IFFO2: variants seen among roughly 807,000 people sequenced by gnomAD.
IFFO2 encodes the protein intermediate filament family orphan 2.
IFFO2 carries 19 observed loss-of-function variants against 53.5 expected under a neutral mutation model. That is an observed-to-expected ratio of 0.36 (90% confidence interval 0.25 to 0.52). The LOEUF is 0.52. Among genes scored for constraint, IFFO2 ranks in the 20% least tolerant of loss-of-function variants. The pLI is 0.94. For synonymous variants in IFFO2, 303 were observed against 313.6 expected, an observed-to-expected ratio of 0.97 and a Z score of 0.36; for missense variants, 570 against 727.4, an observed-to-expected ratio of 0.78 and a Z score of 2.49.
chr1:18,956,277 C>A lies in IFFO2; in HGVS notation c.56G>T (p.Gly19Val). ...GCCAGGGCAGCCCCCGCCGCCGCCGCCCGGCGGGCAGCCGAAGGCCAAGGC... is the reference window on the plus strand; with the variant it reads ...GCCAGGGCAGCCCCCGCCGCCGCCGACCGGCGGGCAGCCGAAGGCCAAGGC... The part of the protein sequence containing the change: ...EMALAFGCPP[G>V]GGGGGCPGGG... Residue 19 changes from glycine to valine, a missense_variant, in exon 1 of 9, where the codon GGC (glycine) becomes GTC (valine). By Grantham distance (109) the Gly-to-Val change is moderately radical. Transcript: ENST00000455833. This position sits in a 1 kb window ranked among gnomAD's most constrained non-coding sequence, Gnocchi z 6.4. The A allele has an allele frequency of 1.2e-6, 1 of 807,132 alleles. No homozygotes were observed. Among genetic ancestry groups the A allele is most frequent in the Non-Finnish European group, 1.6e-6 (1 of 644,780 alleles). 50.0% of individuals were successfully genotyped at this position (807,132 alleles called of 1,614,324 possible). A position where few individuals can be genotyped will look rare whatever the true frequency, so the allele number is the denominator to read the frequency against.
intron 5 of IFFO2, among the ~76,000 whole-genome samples, chr1:18,915,887 G>A (rs1421410307): frequency 1.3e-5 from 2 of 152,168 alleles, no homozygotes; most frequent in African/African-American, 4.8e-5. Context: ...CACTTTGGGA[G>A]GCAGAGGTAG....
intron 1 of IFFO2, among the ~76,000 whole-genome samples, chr1:18,933,163 G>C (rs1936401262): frequency 6.6e-6 from 1 of 152,220 alleles, no homozygotes; most frequent in Non-Finnish European, 1.5e-5. Context: ...CGCTGGGGCA[G>C]GACCTCTGGC....
rs529516506 is a variant in IFFO2, at chr1:18,947,245, G to C, written c.665+8423C>G. On this transcript the variant is annotated intron_variant, in intron 1 of 8. Coordinates refer to ENST00000455833, the MANE Select transcript of IFFO2 (RefSeq NM_001136265.2). This position sits in a 1 kb window ranked among gnomAD's most constrained non-coding sequence, Gnocchi z 5.0. ...AAAAGCTAGGGATACTCCAGCCCAG[G>C]GCGGAGGCGAGCTCCCAAACAGCCA... Among the ~76,000 whole-genome samples, 25 of 152,316 alleles carry C rather than the reference G, an allele frequency of 1.6e-4. No individual in the cohort carries two copies. The South Asian group carries it at 3.5e-3, about 21-fold the overall frequency.
At chr1:18,950,438 C>T (rs1936645493) in intron 1 of IFFO2, among the ~76,000 whole-genome samples, 1 of 152,196 alleles carries the variant, frequency 6.6e-6, no homozygotes, top group Admixed American at 6.5e-5. Flanking sequence ...TGTTCCTTCT[C>T]AATCCCTGGG....
intron 5 of IFFO2, 120 bp from the exon 6 acceptor site, chr1:18,912,203 G>C: frequency 8.1e-7 from 1 of 1,231,036 alleles, no homozygotes; most frequent in Non-Finnish European, 1.1e-6. Flanking sequence ...CCTCAGGAAA[G>C]ACAGGGGTAG....
At chr1:18,911,516 T>G in intron 6 of IFFO2, 40 bp from the exon 7 acceptor site, 1 of 557,484 alleles carries the variant, frequency 1.8e-6, no homozygotes, top group Non-Finnish European at 2.5e-6. Context: ...ATTTTATTTA[T>G]TTATTTATTT....
rs368834612 is a variant in IFFO2 at position 18,940,204 on chromosome 1, A to C, written c.665+15464T>G. On this transcript the variant is annotated intron_variant, in intron 1 of 8. Transcript: ENST00000455833. ...TCCCGAAAAGCCAAGAACCCATGAA[A>C]ACAGCAGAGGAGGAAGAGCTAGGTA... Among the ~76,000 whole-genome samples the C allele has an allele frequency of 9.8e-4, 149 of 152,316 alleles. No homozygotes were observed. In the Middle Eastern group the frequency reaches 0.014, roughly 14 times the overall value.
chr1:18,919,295 C>T lies in IFFO2; in HGVS notation c.822+383G>A, dbSNP rs760136141. Among the ~76,000 whole-genome samples the T allele has an allele frequency of 5.9e-5, 9 of 152,202 alleles. No homozygotes were observed. The highest frequency in any genetic ancestry group is 1.9e-4 in the East Asian group (1 of 5,188). On this transcript the variant is annotated intron_variant, in intron 3 of 8. Coordinates refer to ENST00000455833, the MANE Select transcript of IFFO2 (RefSeq NM_001136265.2). This position sits in a 1 kb window ranked among gnomAD's most constrained non-coding sequence, Gnocchi z 4.9. ...GCTGGGCCTGCGAGTCTCTCAGGCC[C>T]GCACAGACCAGACGGCACCTGGCCC... is the stretch of plus-strand genomic sequence containing the variant.
intron 7 of IFFO2, 28 bp downstream of exon 7, chr1:18,911,356 G>A (rs372205697): frequency 2.5e-4 from 321 of 1,260,280 alleles, no homozygotes; most frequent in Middle Eastern, 3.7e-4. Flanking sequence ...AGAGCCTCAC[G>A]AGTGGGCTCC....
intron 1 of IFFO2, among the ~76,000 whole-genome samples, chr1:18,949,365 T>C (rs1936629913): frequency 6.6e-6 from 1 of 152,098 alleles, no homozygotes; most frequent in Admixed American, 6.5e-5. Flanking sequence ...ACTCCGGGTG[T>C]GGGGGGCTGT....
rs1935941858 is a variant in IFFO2, at chr1:18,905,969, T to C, written c.*2592A>G. On this transcript the variant is annotated 3_prime_UTR_variant, in exon 9 of 9. Coordinates refer to ENST00000455833, the MANE Select transcript of IFFO2 (RefSeq NM_001136265.2). ...AGGACTGGTGCTGCCCCAGCGAGCG[T>C]TGGGGTCTTTCTTGGCAAGCTGTGG... 6.6e-6 allele frequency: 1 copy of C among 152,178 alleles called. No individual in the cohort carries two copies. Among genetic ancestry groups the C allele is most frequent in the South Asian group, 2.1e-4 (1 of 4,826 alleles). The allele number at this position is 152,178 out of a possible 1,614,324, so 9.4% of individuals were successfully genotyped here. A position where few individuals can be genotyped will look rare whatever the true frequency, so the allele number is the denominator to read the frequency against.
intron 1 of IFFO2, among the ~76,000 whole-genome samples, chr1:18,952,645 C>CGG (rs1936672935): frequency 6.6e-6 from 1 of 152,096 alleles, no homozygotes; most frequent in African/African-American, 2.4e-5. Context: ...ATGAAATGTC[C>CGG]GGAAAAGGCT....
intron 1 of IFFO2, among the ~76,000 whole-genome samples, chr1:18,943,762 G>A (rs1026252947): frequency 6.6e-6 from 1 of 152,248 alleles, no homozygotes; most frequent in Non-Finnish European, 1.5e-5. Flanking sequence ...GGCTGGAGAA[G>A]TGCCTTTTGC....
chr1:18,906,234 G>C lies in IFFO2; in HGVS notation c.*2327C>G, dbSNP rs2100633681. On this transcript the variant is annotated 3_prime_UTR_variant, in exon 9 of 9. Coordinates refer to ENST00000455833, the MANE Select transcript of IFFO2 (RefSeq NM_001136265.2). ...CCAGGATCTCTTTCTGGCTCCTGCA[G>C]TTTTCAAACTCCCTAGAGTACCCTA... 1 of 152,310 alleles carries C rather than the reference G, an allele frequency of 6.6e-6. No individual in the cohort carries two copies. Among genetic ancestry groups the C allele is most frequent in the Non-Finnish European group, 1.5e-5 (1 of 68,036 alleles). The allele number at this position is 152,310 out of a possible 1,614,324, so 9.4% of individuals were successfully genotyped here. A position where few individuals can be genotyped will look rare whatever the true frequency, so the allele number is the denominator to read the frequency against.
chr1:18,934,057 C>CTTTTTTTTTTTTATTTTTTTTTTT (rs1936413986), intron 1 of IFFO2, among the ~76,000 whole-genome samples: 1 of 70,330 alleles, frequency 1.4e-5, no homozygotes, highest in African/African-American at 6.9e-5. Context: ...TCTCTTATTT[C>CTTTTTTTTTTTTATTTTTTTTTTT]TTTTTTTTTT....
At position 18,904,700 on chromosome 1, in the gene IFFO2, G is replaced by A. The variant is rs1280176884; in HGVS notation, c.*3861C>T. On this transcript the variant is annotated 3_prime_UTR_variant, in exon 9 of 9. Transcript: ENST00000455833. The stretch of plus-strand genomic sequence containing the variant: ...ATCTGGCTTTACCTGCACCCACCCA[G>A]TCCCCTCCAGACTCCCCACTCCAGG... 1 of 152,000 alleles carries A rather than the reference G, an allele frequency of 6.6e-6. No individual in the cohort carries two copies. The highest frequency in any genetic ancestry group is 1.5e-5 in the Non-Finnish European group (1 of 68,038). The allele number at this position is 152,000 out of a possible 1,614,324, so 9.4% of individuals were successfully genotyped here.
In IFFO2 at chr1:18,911,130, T is replaced by C. The variant is rs549744607; in HGVS notation, c.1317+254A>G. Among the ~76,000 whole-genome samples the C allele has an allele frequency of 1.5e-4, 22 of 147,804 alleles. No individual in the cohort carries two copies. The South Asian group carries it at 4.4e-3, about 30-fold the overall frequency. On this transcript the variant is annotated intron_variant, in intron 7 of 8. Coordinates refer to ENST00000455833, the MANE Select transcript of IFFO2 (RefSeq NM_001136265.2). The stretch of plus-strand genomic sequence containing the variant: ...TCGAATGTCAGCTCTGTGGTTATTA[T>C]GGGATCATCTCAGCTACATATATTC...
At chr1:18,937,622 C>T (rs1557647005) in intron 1 of IFFO2, among the ~76,000 whole-genome samples, 1 of 152,216 alleles carries the variant, frequency 6.6e-6, no homozygotes, top group Non-Finnish European at 1.5e-5. Flanking sequence ...CAAAGCCCCT[C>T]GGAGGGCATC....
intron 1 of IFFO2, among the ~76,000 whole-genome samples, chr1:18,946,138 C>T (rs1162172084): frequency 2.6e-5 from 4 of 152,158 alleles, no homozygotes; most frequent in East Asian, 1.9e-4. Context: ...GAAAAGAAAC[C>T]GCAGTGTGGG....
Sources: allele counts gnomAD v4.1 joint callset (sites outside exome capture counted in the v4.1 genomes callset), GRCh38; gene constraint gnomAD v4.1.1; non-coding constraint Gnocchi (gnomAD v3.1); transcripts MANE v1.5; gene names NCBI Gene and HGNC (gene_info 2026-07-23, HGNC 2026-07-21).